ENPP1: variants seen among roughly 807,000 people sequenced by gnomAD.
ENPP1 encodes the protein ectonucleotide pyrophosphatase/phosphodiesterase family member 1.
ENPP1 carries 73 observed loss-of-function variants against 122.8 expected under a neutral mutation model. The observed-to-expected ratio is 0.59, with a 90% CI of 0.49 to 0.72. The LOEUF (loss-of-function observed/expected upper bound fraction) is 0.72. ENPP1 is among the 30% of genes least tolerant of loss of function. The pLI is 0.00. For missense variants in ENPP1, 978 were observed against 1,128.1 expected, an observed-to-expected ratio of 0.87 and a Z score of 1.91; for synonymous variants, 367 against 391.6, an observed-to-expected ratio of 0.94 and a Z score of 0.74.
chr6:131,886,579 G>A lies in ENPP1; in HGVS notation c.2462G>A (p.Arg821His), dbSNP rs367759638. The A allele has an allele frequency of 9.9e-4, 1,595 of 1,613,016 alleles. 27 individuals carry two copies. In the South Asian group the frequency reaches 0.016, roughly 16 times the overall value. Reference sequence around the variant, plus strand: ...TTTTACAGAAAAAGAAGAGTCATCCGTAACCAAGAAATTTTGATTCCAACT... The same window carrying A: ...TTTTACAGAAAAAGAAGAGTCATCCATAACCAAGAAATTTTGATTCCAACT... ...ENLRQKRRVI[R>H]NQEILIPTHF... Residue 821 changes from arginine to histidine, a missense_variant, in exon 24 of 25, where the codon CGT becomes CAT. Coordinates refer to ENST00000647893, the MANE Select transcript of ENPP1 (RefSeq NM_006208.3).
intron 1 of ENPP1, chr6:131,827,730 C>T: frequency 1.5e-6 from 1 of 683,484 alleles, no homozygotes; most frequent in Non-Finnish European, 2.7e-6. Context: ...CTTGCCCCTC[C>T]TTCTTGTCCA....
At chr6:131,875,574 A>G (rs75998327) in intron 16 of ENPP1, among the ~76,000 whole-genome samples, 1 of 152,228 alleles carries the variant, frequency 6.6e-6, no homozygotes, top group African/African-American at 2.4e-5. Context: ...TAGTAAAACT[A>G]AGAGACCTAT....
At chr6:131,878,203 T>G (rs1351232951) in intron 18 of ENPP1, among the ~76,000 whole-genome samples, 1 of 151,966 alleles carries the variant, frequency 6.6e-6, no homozygotes, top group Admixed American at 6.6e-5. Context: ...AAGACCAGAC[T>G]GGGCAACATA....
intron 1 of ENPP1, among the ~76,000 whole-genome samples, chr6:131,811,028 A>G (rs1416153962): frequency 6.6e-6 from 1 of 152,172 alleles, no homozygotes; most frequent in Non-Finnish European, 1.5e-5. Flanking sequence ...GTCAGTAGGT[A>G]TGTTAAATAT....
At chr6:131,881,558 C>A (rs2114725658) in intron 20 of ENPP1, among the ~76,000 whole-genome samples, 1 of 152,096 alleles carries the variant, frequency 6.6e-6, no homozygotes, top group East Asian at 1.9e-4. Flanking sequence ...AAGATAGACT[C>A]AGATCTCTAA....
chr6:131,827,089 C>T, intron 1 of ENPP1: 2 of 660,606 alleles, frequency 3.0e-6, no homozygotes, highest in Non-Finnish European at 5.7e-6. Flanking sequence ...AGGCTTAGCA[C>T]CTCCATTTCG....
intron 1 of ENPP1, among the ~76,000 whole-genome samples, chr6:131,817,976 A>G (rs2114655467): frequency 6.8e-6 from 1 of 147,780 alleles, no homozygotes; most frequent in South Asian, 2.3e-4. Context: ...GTGTGATTTG[A>G]GAGTCTTAAA....
Position 131,875,797 on chromosome 6 carries a change from C to T in ENPP1, c.1657C>T (p.Pro553Ser). 1 of 1,613,952 alleles carries T rather than the reference C, an allele frequency of 6.2e-7. No individual in the cohort carries two copies. The highest frequency in any genetic ancestry group is 2.2e-5 in the East Asian group (1 of 44,882). The change falls in exon 17 of 25, where the codon CCT becomes TCT. Residue 553 changes from proline to serine, a missense_variant. By Grantham distance (74) the Pro-to-Ser change is moderately conservative (BLOSUM62 -1). Coordinates refer to ENST00000647893, the MANE Select transcript of ENPP1 (RefSeq NM_006208.3). ...CTAGGCCCTCTTTGTTGGCTATGGA[C>T]CTGGATTCAAGCATGGCATTGAGGC... ...NMQALFVGYG[P>S]GFKHGIEADT...
chr6:131,828,861 T>C (rs1031285521), intron 1 of ENPP1, among the ~76,000 whole-genome samples: 2 of 152,258 alleles, frequency 1.3e-5, no homozygotes, highest in African/African-American at 4.8e-5. Context: ...GTGGTTTATA[T>C]CTCCCATTTC....
In ENPP1 at chr6:131,895,097, G is replaced by A. The variant is rs886061083; in HGVS notation, c.*4586G>A. 5.3e-5 allele frequency: 8 copies of A among 152,208 alleles called. No homozygotes were observed. Among genetic ancestry groups the A allele is most frequent in the Non-Finnish European group, 1.0e-4 (7 of 68,034 alleles). The allele number at this position is 152,208 out of a possible 1,614,324, so 9.4% of individuals were successfully genotyped here. On this transcript the variant is annotated 3_prime_UTR_variant, in exon 25 of 25. Transcript: ENST00000647893. ...AAGAGAGAGAGAAGAAAAGTGTACGGAATATAATTGTCTCTAAGCTAAGAA... is the reference window on the plus strand; with the variant it reads ...AAGAGAGAGAGAAGAAAAGTGTACGAAATATAATTGTCTCTAAGCTAAGAA...
At chr6:131,826,398 AG>A (rs1781546563) in intron 1 of ENPP1, 1 of 953,210 alleles carries the variant, frequency 1.0e-6, no homozygotes, top group South Asian at 1.4e-5. Flanking sequence ...CAATATTAAT[AG>A]GACCCCAAAA....
intron 5 of ENPP1, 95 bp downstream of exon 5, chr6:131,852,330 A>T (rs1394919866): frequency 2.5e-6 from 2 of 787,378 alleles, no homozygotes; most frequent in Non-Finnish European, 4.3e-6. Context: ...TAATAAAATC[A>T]CTGGTTTATT....
chr6:131,819,361 G>A (rs567801894), intron 1 of ENPP1, among the ~76,000 whole-genome samples: 14 of 152,174 alleles, frequency 9.2e-5, no homozygotes, highest in South Asian at 2.1e-4. Flanking sequence ...GCATTCTATC[G>A]AAATGAATAC....
chr6:131,888,148 C>T (rs1782413332), intron 24 of ENPP1, among the ~76,000 whole-genome samples: 1 of 152,026 alleles, frequency 6.6e-6, no homozygotes, highest in Non-Finnish European at 1.5e-5. Context: ...AGTCATGAGC[C>T]ACTGTGCCCG....
At chr6:131,827,717 C>A in intron 1 of ENPP1, 1 of 670,590 alleles carries the variant, frequency 1.5e-6, no homozygotes, top group South Asian at 1.5e-5. Context: ...ATGGCTGTGG[C>A]CTCTTGCCCC....
At chr6:131,818,105 G>T (rs1185110551) in intron 1 of ENPP1, among the ~76,000 whole-genome samples, 2 of 152,064 alleles carry the variant, frequency 1.3e-5, no homozygotes, top group East Asian at 3.9e-4. Flanking sequence ...GCAAGCATCT[G>T]GGGGATCTTG....
At chr6:131,888,423 C>T (rs1782417567) in intron 24 of ENPP1, among the ~76,000 whole-genome samples, 1 of 152,024 alleles carries the variant, frequency 6.6e-6, no homozygotes, top group Non-Finnish European at 1.5e-5. Context: ...CTTTGATTCA[C>T]CATTCATTCC....
At chr6:131,808,871 AG>A (rs1290857006) in intron 1 of ENPP1, among the ~76,000 whole-genome samples, 2 of 152,200 alleles carry the variant, frequency 1.3e-5, no homozygotes, top group African/African-American at 4.8e-5. Flanking sequence ...TTCTAACCAG[AG>A]GCTACACGGT....
chr6:131,887,725 A>ATTT (rs757759048), intron 24 of ENPP1, among the ~76,000 whole-genome samples: 1 of 114,884 alleles, frequency 8.7e-6, no homozygotes, highest in Non-Finnish European at 1.8e-5. Flanking sequence ...CACCCGGCTA[A>ATTT]TTTTTTTTTT....
Sources: allele counts gnomAD v4.1 joint callset (sites outside exome capture counted in the v4.1 genomes callset), GRCh38; gene constraint gnomAD v4.1.1; transcripts MANE v1.5; gene names NCBI Gene and HGNC (gene_info 2026-07-23, HGNC 2026-07-21).